UGT1A9: variants seen among roughly 807,000 people sequenced by gnomAD.
UGT1A9 encodes UDP-glucuronosyltransferase 1A9.
In UGT1A9, 35 loss-of-function variants were observed where a neutral mutation model predicts 45.0. That is an observed-to-expected ratio of 0.78 (90% CI 0.59 to 1.03). The LOEUF (loss-of-function observed/expected upper bound fraction) is 1.03. Among genes scored for constraint, UGT1A9 ranks in the 50% least tolerant of loss-of-function variants. The pLI is 0.00. For synonymous variants in UGT1A9, 278 were observed against 250.6 expected (o/e 1.11, Z -1.03); for missense variants, 687 against 666.6 (o/e 1.03, Z -0.34).
At chr2:233,760,450 C>T (rs1218272105) in intron 1 of UGT1A9, 1 of 1,614,084 alleles carries the variant, frequency 6.2e-7, no homozygotes, top group East Asian at 2.2e-5. Context: ...GCAGAGGGGA[C>T]ATGAAATAGT....
In UGT1A9 at chr2:233,768,381, C is replaced by T. The variant is rs764290725; in HGVS notation, c.1237C>T (p.Leu413=). 1.9e-6 allele frequency: 3 copies of T among 1,614,120 alleles called. No individual in the cohort carries two copies. Among genetic ancestry groups the T allele is most frequent in the Non-Finnish European group, 2.5e-6 (3 of 1,180,032 alleles). ...TKGAGVTLNV[L]EMTSEDLENA... ...GGGAGCTGGAGTGACCCTGAATGTT[C>T]TGGAAATGACTTCTGAAGATTTAGA... Residue 413 remains leucine (L), a synonymous_variant, in exon 4 of 5, where the codon CTG becomes TTG. Transcript: ENST00000354728.
chr2:233,707,007 A>G (rs1281563628), intron 1 of UGT1A9, among the ~76,000 whole-genome samples: 1 of 152,176 alleles, frequency 6.6e-6, no homozygotes, highest in African/African-American at 2.4e-5. Context: ...ACAGGAACCT[A>G]GGATCCATGG....
At chr2:233,747,985 G>A (rs1693830489) in intron 1 of UGT1A9, 11 of 1,613,486 alleles carry the variant, frequency 6.8e-6, no homozygotes, top group South Asian at 5.5e-5. Flanking sequence ...TGGCTGTTCC[G>A]AGGGGACTTT....
In UGT1A9 at chr2:233,673,930, C is replaced by T. The variant is rs543938287; in HGVS notation, c.855+1141C>T. Among the ~76,000 whole-genome samples the T allele has an allele frequency of 3.3e-5, 5 of 152,246 alleles. No individual in the cohort carries two copies. In the East Asian group the frequency reaches 9.6e-4, roughly 29 times the overall value. On this transcript the variant is annotated intron_variant, in intron 1 of 4. Coordinates refer to ENST00000354728, the MANE Select transcript of UGT1A9 (RefSeq NM_021027.3). ...TGCTGGAGCTTATACTTCCAAAGCACTATTGAGTAATATTGTGAGAGTAGC... is the reference window on the plus strand; with the variant it reads ...TGCTGGAGCTTATACTTCCAAAGCATTATTGAGTAATATTGTGAGAGTAGC...
intron 1 of UGT1A9, among the ~76,000 whole-genome samples, chr2:233,696,633 T>A (rs1245843858): frequency 6.6e-6 from 1 of 152,220 alleles, no homozygotes; most frequent in Non-Finnish European, 1.5e-5. Context: ...TCTTGCTTAA[T>A]TGCTTTGGAT....
At chr2:233,744,688 T>C (rs1692891145) in intron 1 of UGT1A9, among the ~76,000 whole-genome samples, 1 of 151,894 alleles carries the variant, frequency 6.6e-6, no homozygotes, top group Admixed American at 6.5e-5. Flanking sequence ...ATGTAGCTTC[T>C]GGAAAACTCC....
intron 1 of UGT1A9, among the ~76,000 whole-genome samples, chr2:233,697,628 C>T (rs1228817319): frequency 2.0e-5 from 3 of 150,138 alleles, no homozygotes; most frequent in Non-Finnish European, 4.4e-5. Context: ...GTTTGGTTTA[C>T]TTTTGCTTTT....
intron 1 of UGT1A9, chr2:233,747,822 C>T (rs1361602523): frequency 6.2e-7 from 1 of 1,613,368 alleles, no homozygotes; most frequent in Non-Finnish European, 8.5e-7. Context: ...CAATTCAGAC[C>T]ACATGACATT....
chr2:233,761,173 T>C (rs771182197), intron 1 of UGT1A9: 2 of 1,614,246 alleles, frequency 1.2e-6, no homozygotes, highest in South Asian at 2.2e-5. Context: ...AGTGGGACTT[T>C]TACATGCGTA....
At chr2:233,720,871 A>ATTT (rs60621337) in intron 1 of UGT1A9, among the ~76,000 whole-genome samples, 7,391 of 132,696 alleles carry the variant, frequency 0.056, 241 homozygotes, top group Non-Finnish European at 0.067. Context: ...GCTCCTGGCA[A>ATTT]TTTTTTTTTT....
At chr2:233,705,462 GAC>G (rs1373100771) in intron 1 of UGT1A9, among the ~76,000 whole-genome samples, 2 of 152,176 alleles carry the variant, frequency 1.3e-5, no homozygotes, top group African/African-American at 2.4e-5. Flanking sequence ...TTTTTTAGCA[GAC>G]ACACATGAGG....
chr2:233,721,879 C>G, intron 1 of UGT1A9: 1 of 493,898 alleles, frequency 2.0e-6, no homozygotes, highest in South Asian at 1.5e-5. Context: ...ACTTGCCAGC[C>G]CCTCCATTGC....
intron 1 of UGT1A9, among the ~76,000 whole-genome samples, chr2:233,712,313 A>G (rs2076226072): frequency 6.6e-6 from 1 of 150,438 alleles, no homozygotes. Context: ...AGAATCCTCA[A>G]CAAAGCCTTT....
intron 1 of UGT1A9, among the ~76,000 whole-genome samples, chr2:233,724,351 C>G: frequency 6.8e-6 from 1 of 147,806 alleles, no homozygotes; most frequent in African/African-American, 2.5e-5. Context: ...CCCCCCCCAC[C>G]TCCCTCCCGG....
intron 1 of UGT1A9, chr2:233,743,889 C>T: frequency 7.3e-7 from 1 of 1,366,986 alleles, no homozygotes; most frequent in Non-Finnish European, 9.8e-7. Context: ...TGCCGGGGCA[C>T]GTCCAGCACC....
Position 233,719,322 on chromosome 2 carries a change from C to T in UGT1A9, c.855+46533C>T, listed in dbSNP as rs773289420. On this transcript the variant is annotated intron_variant, in intron 1 of 4. Transcript: ENST00000354728. ...GGTGCTGGCTAAGTACCTGTCGATT[C>T]CTGCTGTGTTTTTTTGGAGGTACAT... The T allele has an allele frequency of 3.1e-6, 5 of 1,613,788 alleles. No individual in the cohort carries two copies. In the African/African-American group the frequency reaches 6.7e-5, roughly 22 times the overall value.
At chr2:233,691,003 G>T (rs1169331447) in intron 1 of UGT1A9, 16 of 994,078 alleles carry the variant, frequency 1.6e-5, no homozygotes, top group African/African-American at 1.7e-5. Context: ...AGGATTTTCA[G>T]AGCAAGGCTG....
intron 1 of UGT1A9, chr2:233,719,279 C>G (rs371816622): frequency 1.2e-6 from 2 of 1,613,960 alleles, no homozygotes; most frequent in Non-Finnish European, 1.7e-6. Context: ...TAACAGACCC[C>G]GTTAACCTCT....
chr2:233,725,566 C>T (rs559123427), intron 1 of UGT1A9, among the ~76,000 whole-genome samples: 223 of 152,120 alleles, frequency 1.5e-3, no homozygotes, highest in African/African-American at 5.2e-3. Context: ...AACATATATT[C>T]GATATAAGAT....
Sources: allele counts gnomAD v4.1 joint callset (sites outside exome capture counted in the v4.1 genomes callset), GRCh38; gene constraint gnomAD v4.1.1; transcripts MANE v1.5; gene names NCBI Gene and HGNC (gene_info 2026-07-23, HGNC 2026-07-21).